ATRNL1: variants seen among roughly 807,000 people sequenced by gnomAD.
ATRNL1 encodes attractin-like protein 1.
A neutral mutation model predicts 182.7 loss-of-function variants in ATRNL1; 95 were observed. The observed-to-expected ratio is 0.52, with a 90% CI of 0.44 to 0.62. The LOEUF is 0.62. ATRNL1 is among the 20% of genes least tolerant of loss of function. The pLI, the probability that ATRNL1 is intolerant of heterozygous loss-of-function variation, is 0.00. For missense variants in ATRNL1, 1,471 were observed against 1,679.5 expected (o/e 0.88, Z 2.17); for synonymous variants, 576 against 568.3 (o/e 1.01, Z -0.19).
intron 26 of ATRNL1, among the ~76,000 whole-genome samples, chr10:115,636,263 C>T (rs1328279119): frequency 1.3e-5 from 2 of 151,962 alleles, no homozygotes; most frequent in African/African-American, 4.8e-5. Context: ...ACTCTTCTCC[C>T]TCACTTAGAG....
At chr10:115,912,051 C>G (rs1265957403) in intron 28 of ATRNL1, among the ~76,000 whole-genome samples, 1 of 152,144 alleles carries the variant, frequency 6.6e-6, no homozygotes, top group African/African-American at 2.4e-5. Context: ...TAAACAGTTT[C>G]CCACACATTG....
At chr10:115,868,282 A>G (rs1466206155) in intron 28 of ATRNL1, among the ~76,000 whole-genome samples, 1 of 151,994 alleles carries the variant, frequency 6.6e-6, no homozygotes. Flanking sequence ...TATTATTGCC[A>G]TCTTCATTTA....
At chr10:115,100,438 A>G (rs1421861384) in intron 1 of ATRNL1, among the ~76,000 whole-genome samples, 1 of 152,018 alleles carries the variant, frequency 6.6e-6, no homozygotes, top group Non-Finnish European at 1.5e-5. Context: ...ATTTCTATAT[A>G]TGGGGAGAGG....
intron 18 of ATRNL1, among the ~76,000 whole-genome samples, chr10:115,318,062 G>C (rs1336169774): frequency 2.6e-5 from 4 of 151,930 alleles, no homozygotes; most frequent in Non-Finnish European, 5.9e-5. Context: ...ATCGAGCTGT[G>C]TTCCATCAAT....
chr10:115,624,320 T>C (rs1216025518), intron 26 of ATRNL1, among the ~76,000 whole-genome samples: 6 of 152,098 alleles, frequency 3.9e-5, no homozygotes, highest in African/African-American at 1.2e-4. Context: ...TTTCTAAAGA[T>C]AGAAAAATAT....
At chr10:115,680,278 C>T (rs1222211204) in intron 26 of ATRNL1, among the ~76,000 whole-genome samples, 1 of 152,134 alleles carries the variant, frequency 6.6e-6, no homozygotes, top group Admixed American at 6.6e-5. Flanking sequence ...AGCAAAGGGT[C>T]TCTCTTCCAT....
At chr10:115,656,885 C>G (rs1243411150) in intron 26 of ATRNL1, among the ~76,000 whole-genome samples, 2 of 152,142 alleles carry the variant, frequency 1.3e-5, no homozygotes, top group Non-Finnish European at 2.9e-5. Context: ...AAATCATTAT[C>G]TTACTTGTTT....
At chr10:115,195,638 C>T (rs1848331535) in intron 8 of ATRNL1, among the ~76,000 whole-genome samples, 1 of 151,926 alleles carries the variant, frequency 6.6e-6, no homozygotes, top group African/African-American at 2.4e-5. Flanking sequence ...TGTTTTATAA[C>T]CTCGTATCTG....
At chr10:115,917,461 C>T (rs1478602536) in intron 28 of ATRNL1, among the ~76,000 whole-genome samples, 2 of 93,534 alleles carry the variant, frequency 2.1e-5, no homozygotes, top group Non-Finnish European at 4.1e-5. Context: ...CAGAGCAAGA[C>T]TCTGTCTCAA....
chr10:115,743,489 T>C (rs1404395139), intron 27 of ATRNL1, among the ~76,000 whole-genome samples: 2 of 151,916 alleles, frequency 1.3e-5, no homozygotes, highest in African/African-American at 4.8e-5. Context: ...AAAAAATGAA[T>C]GAGAAACATT....
At chr10:115,101,898 A>G (rs1403858403) in intron 1 of ATRNL1, among the ~76,000 whole-genome samples, 1 of 152,246 alleles carries the variant, frequency 6.6e-6, no homozygotes, top group Non-Finnish European at 1.5e-5. Context: ...CTATATGACT[A>G]GAATCCTTTA....
intron 1 of ATRNL1, among the ~76,000 whole-genome samples, chr10:115,105,596 T>C (rs781876495): frequency 2.2e-4 from 33 of 152,202 alleles, no homozygotes; most frequent in Non-Finnish European, 1.0e-4. Flanking sequence ...AAAATGGTTT[T>C]GTGGGCCAGG....
chr10:115,415,820 C>G (rs1845362341), intron 20 of ATRNL1, among the ~76,000 whole-genome samples: 1 of 151,916 alleles, frequency 6.6e-6, no homozygotes, highest in African/African-American at 2.4e-5. Context: ...GACTGTCTTA[C>G]TCCAGTCATT....
chr10:115,830,025 G>A (rs1156903862), intron 27 of ATRNL1, among the ~76,000 whole-genome samples: 1 of 152,182 alleles, frequency 6.6e-6, no homozygotes, highest in Admixed American at 6.5e-5. Context: ...CTCATCAGCA[G>A]ACCTGCAACA....
chr10:115,838,747 G>A (rs1397758502), intron 27 of ATRNL1, among the ~76,000 whole-genome samples: 2 of 151,990 alleles, frequency 1.3e-5, no homozygotes, highest in African/African-American at 4.8e-5. Flanking sequence ...ATATAGACTT[G>A]TTGAGAAGCA....
chr10:115,871,467 C>CCATA (rs1951578505), intron 28 of ATRNL1, among the ~76,000 whole-genome samples: 1 of 16,542 alleles, frequency 6.0e-5, no homozygotes, highest in African/African-American at 8.6e-5. Context: ...TGGTCAGATT[C>CCATA]TTTGTGTGTG....
At chr10:115,296,899 G>A (rs1554922778) in intron 15 of ATRNL1, among the ~76,000 whole-genome samples, 1 of 152,166 alleles carries the variant, frequency 6.6e-6, no homozygotes, top group African/African-American at 2.4e-5. Context: ...GACAATTGCT[G>A]TTCTCAAAGA....
At chr10:115,632,774 T>G (rs1393430350) in intron 26 of ATRNL1, among the ~76,000 whole-genome samples, 2 of 152,104 alleles carry the variant, frequency 1.3e-5, no homozygotes, top group East Asian at 3.8e-4. Flanking sequence ...CACACAATTT[T>G]TTGGTAAGCC....
At chr10:115,236,836 A>G (rs782015426) in intron 9 of ATRNL1, among the ~76,000 whole-genome samples, 10 of 152,156 alleles carry the variant, frequency 6.6e-5, no homozygotes, top group Non-Finnish European at 1.0e-4. Flanking sequence ...AGTGACATGT[A>G]TCTACAATGA....
Sources: gnomAD v4.1 joint callset for allele counts (sites outside exome capture counted in the v4.1 genomes callset) on GRCh38, gnomAD v4.1.1 for gene constraint, MANE v1.5 for transcripts, NCBI Gene and HGNC (gene_info 2026-07-23, HGNC 2026-07-21) for gene names.